HMGN5: variants seen among roughly 807,000 people sequenced by gnomAD.
HMGN5 encodes high mobility group nucleosome-binding domain-containing protein 5.
A neutral mutation model predicts 9.5 loss-of-function variants in HMGN5; 4 were observed. The observed-to-expected ratio is 0.42, with a 90% CI of 0.21 to 0.96. The LOEUF (loss-of-function observed/expected upper bound fraction) is 0.96. Among genes scored for constraint, HMGN5 ranks in the 40% least tolerant of loss-of-function variants. The probability of loss-of-function intolerance (pLI) is 0.30; values close to 1 mark genes in which losing one functional copy is unlikely to be tolerated. For missense variants in HMGN5, 192 were observed against 187.5 expected, an observed-to-expected ratio of 1.02 and a Z score of -0.14; for synonymous variants, 55 against 57.1, an observed-to-expected ratio of 0.96 and a Z score of 0.16.
At chrX:81,196,644 C>A (rs2075509267) in intron 1 of HMGN5, among the ~76,000 whole-genome samples, 1 of 110,237 alleles carries the variant, frequency 9.1e-6, no homozygotes, top group Non-Finnish European at 1.9e-5. Context: ...CCTCTCCCTG[C>A]AATTCTCCCA....
intron 1 of HMGN5, among the ~76,000 whole-genome samples, chrX:81,138,255 AGT>A (rs769075083): frequency 8.0e-4 from 90 of 112,160 alleles, no homozygotes; most frequent in African/African-American, 2.7e-3. Context: ...ACAATGACAA[AGT>A]GTGATTTATT....
At chrX:81,187,553 T>C (rs191383200) in intron 1 of HMGN5, among the ~76,000 whole-genome samples, 2 of 111,781 alleles carry the variant, frequency 1.8e-5, no homozygotes, top group Admixed American at 1.9e-4. Context: ...TGGTATGGAA[T>C]ATATTTTTAT....
chrX:81,120,461 G>A (rs2075265573), intron 2 of HMGN5, among the ~76,000 whole-genome samples: 1 of 111,204 alleles, frequency 9.0e-6, no homozygotes, highest in Admixed American at 9.6e-5. Flanking sequence ...ATCTCAGGAA[G>A]GGGGGATGGT....
chrX:81,181,527 C>T (rs1250942382), intron 1 of HMGN5, among the ~76,000 whole-genome samples: 1 of 111,457 alleles, frequency 9.0e-6, no homozygotes, highest in Non-Finnish European at 1.9e-5. Flanking sequence ...GTTGTGCTAG[C>T]AAATACTAGG....
At chrX:81,134,244 C>T (rs1383832061) in intron 1 of HMGN5, among the ~76,000 whole-genome samples, 1 of 111,124 alleles carries the variant, frequency 9.0e-6, no homozygotes, top group African/African-American at 3.3e-5. Flanking sequence ...TCGATTATAG[C>T]CAGTTTAGGC....
At chrX:81,124,133 G>A (rs2075276529) in intron 1 of HMGN5, among the ~76,000 whole-genome samples, 1 of 111,991 alleles carries the variant, frequency 8.9e-6, no homozygotes, top group South Asian at 3.7e-4. Context: ...TCTTCTTGAA[G>A]GCTAACGTGT....
At chrX:81,196,745 T>A (rs1289076598) in intron 1 of HMGN5, among the ~76,000 whole-genome samples, 2 of 110,385 alleles carry the variant, frequency 1.8e-5, no homozygotes, top group Non-Finnish European at 3.8e-5. Flanking sequence ...TTTCACCTTG[T>A]TGGCCAAGAT....
At chrX:81,168,662 A>G (rs1233606485) in intron 1 of HMGN5, among the ~76,000 whole-genome samples, 1 of 112,023 alleles carries the variant, frequency 8.9e-6, no homozygotes, top group African/African-American at 3.2e-5. Flanking sequence ...TCAGTATGAA[A>G]TGAATGTCAG....
intron 1 of HMGN5, among the ~76,000 whole-genome samples, chrX:81,194,341 A>T (rs1438166337): frequency 9.0e-6 from 1 of 111,639 alleles, no homozygotes. Context: ...AAAAATGTTT[A>T]AAAAAAGGCT....
chrX:81,176,644 A>G (rs1455697521), intron 1 of HMGN5, among the ~76,000 whole-genome samples: 1 of 111,960 alleles, frequency 8.9e-6, no homozygotes, highest in Non-Finnish European at 1.9e-5. Flanking sequence ...ACACATGCAC[A>G]TGCTTCAGTA....
chrX:81,166,839 C>T (rs1174363496), intron 1 of HMGN5, among the ~76,000 whole-genome samples: 2 of 111,592 alleles, frequency 1.8e-5, no homozygotes, highest in Non-Finnish European at 3.8e-5. Context: ...CTCATACATT[C>T]TTGGACTCAG....
intron 1 of HMGN5, among the ~76,000 whole-genome samples, chrX:81,158,511 T>C (rs896472973): frequency 9.8e-5 from 11 of 112,368 alleles, no homozygotes; most frequent in African/African-American, 3.2e-4. Context: ...CACTTTTTAA[T>C]GGTTTTCTTT....
chrX:81,195,667 A>G (rs1023877649), intron 1 of HMGN5, among the ~76,000 whole-genome samples: 2 of 111,456 alleles, frequency 1.8e-5, no homozygotes, highest in Non-Finnish European at 3.8e-5. Context: ...GTGATACCCA[A>G]CGGAAGAGTG....
At chrX:81,180,422 T>C (rs1233872162) in intron 1 of HMGN5, among the ~76,000 whole-genome samples, 1 of 112,040 alleles carries the variant, frequency 8.9e-6, no homozygotes, top group Admixed American at 9.4e-5. Context: ...AAGAAGACAT[T>C]TATGCAGTCA....
intron 1 of HMGN5, among the ~76,000 whole-genome samples, chrX:81,125,337 A>AT (rs761294542): frequency 5.4e-5 from 6 of 111,242 alleles, no homozygotes; most frequent in African/African-American, 1.6e-4. Context: ...AGTGTTTTAG[A>AT]TTTTTTTTGT....
intron 1 of HMGN5, among the ~76,000 whole-genome samples, chrX:81,135,234 T>C (rs754280669): frequency 3.6e-5 from 4 of 111,699 alleles, no homozygotes; most frequent in African/African-American, 1.3e-4. Flanking sequence ...AACAAGGGAA[T>C]TTTATCCAGA....
At chrX:81,135,033 A>C (rs1193383948) in intron 1 of HMGN5, among the ~76,000 whole-genome samples, 1 of 111,689 alleles carries the variant, frequency 9.0e-6, no homozygotes, top group African/African-American at 3.2e-5. Context: ...ATAATAAAAC[A>C]TAAGAGTAAG....
chrX:81,133,054 G>C (rs2075302070), intron 1 of HMGN5, among the ~76,000 whole-genome samples: 1 of 111,427 alleles, frequency 9.0e-6, no homozygotes, highest in Non-Finnish European at 1.9e-5. Context: ...GACATGAACA[G>C]ACAATTCTCA....
chrX:81,180,790 G>A (rs1219820758), intron 1 of HMGN5, among the ~76,000 whole-genome samples: 2 of 111,647 alleles, frequency 1.8e-5, no homozygotes, highest in Non-Finnish European at 3.8e-5. Flanking sequence ...GTAAAGACTT[G>A]GAACTAACCC....
Sources: gnomAD v4.1 joint callset for allele counts (sites outside exome capture counted in the v4.1 genomes callset) on GRCh38, gnomAD v4.1.1 for gene constraint, MANE v1.5 for transcripts, NCBI Gene and HGNC (gene_info 2026-07-23, HGNC 2026-07-21) for gene names.